The following CADM2 variants were observed in gnomAD, a reference collection of about 807,000 sequenced individuals.
CADM2 encodes the protein immunoglobulin superfamily member 4D.
Under a neutral mutation model 49.8 loss-of-function variants are expected in CADM2, and 12 were observed. The ratio of observed to expected loss-of-function variants is 0.24; its 90% confidence interval spans 0.15 to 0.39. The LOEUF (loss-of-function observed/expected upper bound fraction) is 0.39, where lower values mean the gene tolerates loss of function less well. Ranked by LOEUF, CADM2 falls within the 10% of genes least tolerant of loss-of-function variation. CADM2 has a pLI of 1.00. For synonymous variants in CADM2, 214 were observed against 175.4 expected, an observed-to-expected ratio of 1.22 and a Z score of -1.74; for missense variants, 378 against 492.3, an observed-to-expected ratio of 0.77 and a Z score of 2.20.
chr3:85,795,018 A>G (rs914045082), intron 2 of CADM2, among the ~76,000 whole-genome samples: 16 of 152,064 alleles, frequency 1.1e-4, no homozygotes, highest in African/African-American at 3.9e-4. Flanking sequence ...TGATTTTTTG[A>G]TCTATGCAAA....
intron 1 of CADM2, among the ~76,000 whole-genome samples, chr3:85,337,396 CAT>C (rs1295022383): frequency 4.0e-5 from 6 of 151,330 alleles, no homozygotes; most frequent in Non-Finnish European, 8.9e-5. Context: ...TGAGCCAAGT[CAT>C]ATGTATCATT....
intron 3 of CADM2, among the ~76,000 whole-genome samples, chr3:85,881,481 G>A (rs1309278348): frequency 1.3e-5 from 2 of 152,046 alleles, no homozygotes; most frequent in East Asian, 3.8e-4. Context: ...TTTTGATTAT[G>A]TTAAGAGACT....
intron 1 of CADM2, among the ~76,000 whole-genome samples, chr3:85,633,672 C>A (rs1308591869): frequency 6.6e-6 from 1 of 151,984 alleles, no homozygotes; most frequent in Non-Finnish European, 1.5e-5. Flanking sequence ...ATAGTCGCAA[C>A]TTCCATGGAA....
intron 1 of CADM2, among the ~76,000 whole-genome samples, chr3:85,381,522 T>C (rs1306387822): frequency 6.8e-6 from 1 of 148,124 alleles, no homozygotes; most frequent in Non-Finnish European, 1.5e-5. Flanking sequence ...AGTATATATA[T>C]ATAAAGATTT....
At chr3:85,569,715 G>GAA (rs771004772) in intron 1 of CADM2, among the ~76,000 whole-genome samples, 18 of 137,020 alleles carry the variant, frequency 1.3e-4, no homozygotes, top group South Asian at 2.3e-4. Context: ...AAAAAAAAAA[G>GAA]AAAAAAAAAA....
chr3:85,334,372 T>C (rs988917778), intron 1 of CADM2, among the ~76,000 whole-genome samples: 16 of 151,576 alleles, frequency 1.1e-4, no homozygotes, highest in African/African-American at 3.6e-4. Flanking sequence ...TAATTTAAGT[T>C]GACTTCAGTG....
At chr3:85,097,094 A>C (rs2037828186) in intron 1 of CADM2, among the ~76,000 whole-genome samples, 1 of 152,042 alleles carries the variant, frequency 6.6e-6, no homozygotes, top group Admixed American at 6.6e-5. Flanking sequence ...GGTGTGCTGC[A>C]CCCATTAACT....
intron 1 of CADM2, among the ~76,000 whole-genome samples, chr3:85,372,310 T>G (rs2033295019): frequency 6.6e-6 from 1 of 151,724 alleles, no homozygotes; most frequent in Non-Finnish European, 1.5e-5. Context: ...AAAAGGAATG[T>G]CAAAAGCAAA....
intron 7 of CADM2, among the ~76,000 whole-genome samples, chr3:85,952,175 T>A (rs566733903): frequency 6.6e-6 from 1 of 150,882 alleles, no homozygotes; most frequent in Admixed American, 6.6e-5. Flanking sequence ...CAGGAGAAAA[T>A]CAGAGAACTG....
intron 8 of CADM2, among the ~76,000 whole-genome samples, chr3:86,032,617 T>G (rs1245714288): frequency 1.3e-5 from 2 of 151,886 alleles, no homozygotes; most frequent in Non-Finnish European, 2.9e-5. Context: ...CTTGTAACCA[T>G]ACTTAATGCA....
At chr3:85,705,949 A>C (rs1034568997) in intron 1 of CADM2, among the ~76,000 whole-genome samples, 8 of 152,176 alleles carry the variant, frequency 5.3e-5, no homozygotes, top group Non-Finnish European at 1.2e-4. Context: ...CAAACCTAGA[A>C]AATGTGTCTG....
intron 1 of CADM2, among the ~76,000 whole-genome samples, chr3:85,573,865 A>G (rs2062553201): frequency 6.6e-6 from 1 of 152,150 alleles, no homozygotes; most frequent in Admixed American, 6.5e-5. Context: ...ACAGAGACCA[A>G]TCCTCACCAT....
chr3:85,668,619 T>G (rs1372573091), intron 1 of CADM2, among the ~76,000 whole-genome samples: 3 of 152,084 alleles, frequency 2.0e-5, no homozygotes, highest in Non-Finnish European at 4.4e-5. Flanking sequence ...CTGGACAAGC[T>G]TTCTCTCTTT....
chr3:85,296,024 A>T (rs1192978403), intron 1 of CADM2, among the ~76,000 whole-genome samples: 1 of 152,092 alleles, frequency 6.6e-6, no homozygotes, highest in African/African-American at 2.4e-5. Flanking sequence ...AAAATGGGTG[A>T]CTAAAGCTCA....
At chr3:85,410,749 A>T (rs942295466) in intron 1 of CADM2, among the ~76,000 whole-genome samples, 11 of 152,234 alleles carry the variant, frequency 7.2e-5, no homozygotes, top group Admixed American at 6.5e-5. Context: ...ACTGAAGTGC[A>T]TCACCACTGA....
intron 1 of CADM2, among the ~76,000 whole-genome samples, chr3:85,276,259 C>T (rs960873104): frequency 2.6e-4 from 40 of 151,176 alleles, no homozygotes; most frequent in African/African-American, 9.4e-4. Context: ...ACATTCTGTC[C>T]ATTTCCATAT....
chr3:85,328,900 CAAA>C (rs11459054), intron 1 of CADM2, among the ~76,000 whole-genome samples: 1 of 137,286 alleles, frequency 7.3e-6, no homozygotes. Flanking sequence ...TGTCTTCCCT[CAAA>C]AAAAAAAAAA....
intron 3 of CADM2, among the ~76,000 whole-genome samples, chr3:85,855,602 C>CATATATATATAT (rs10537642): frequency 1.5e-5 from 2 of 129,376 alleles, no homozygotes; most frequent in African/African-American, 5.5e-5. Context: ...ATATATAAAA[C>CATATATATATAT]ATATATATAT....
chr3:85,978,167 AAG>A (rs1320262359), intron 8 of CADM2, among the ~76,000 whole-genome samples: 2 of 151,536 alleles, frequency 1.3e-5, no homozygotes, highest in African/African-American at 2.4e-5. Flanking sequence ...CACTTTAGAC[AAG>A]ATTTGACTCT....
Sources: allele counts gnomAD v4.1 joint callset (sites outside exome capture counted in the v4.1 genomes callset), GRCh38; gene constraint gnomAD v4.1.1; transcripts MANE v1.5; gene names NCBI Gene and HGNC (gene_info 2026-07-23, HGNC 2026-07-21).